The following PCDHA11 variants were observed in gnomAD, a reference collection of about 807,000 sequenced individuals.
PCDHA11 encodes protocadherin alpha-11.
A neutral mutation model predicts 70.3 loss-of-function variants in PCDHA11; 61 were observed. The observed-to-expected ratio is 0.87, with a 90% CI of 0.71 to 1.07. PCDHA11 has a LOEUF of 1.07. Among genes scored for constraint, PCDHA11 ranks in the 50% least tolerant of loss-of-function variants. The pLI is 0.00. For missense variants in PCDHA11, 1,324 were observed against 1,237.5 expected (o/e 1.07, Z -1.05); for synonymous variants, 633 against 555.1 (o/e 1.14, Z -1.97).
chr5:140,923,986 G>A (rs1482099424), intron 1 of PCDHA11, among the ~76,000 whole-genome samples: 2 of 152,074 alleles, frequency 1.3e-5, no homozygotes, highest in African/African-American at 2.4e-5. Flanking sequence ...ATCCCTCTAG[G>A]TGCAGCTCAG....
rs782631991 is a variant in PCDHA11, at chr5:140,966,741, G to C, written c.2392-12208G>C. The C allele has an allele frequency of 7.5e-4, 1,063 of 1,421,208 alleles. 1 individual carries two copies. The highest frequency in any genetic ancestry group is 9.1e-4 in the Non-Finnish European group (995 of 1,093,108). The allele number at this position is 1,421,208 out of a possible 1,614,324, so 88.0% of individuals were successfully genotyped here. Reference sequence around the variant, plus strand: ...GAAGCTGCCGCCTCCGGCCCTGCCCGGCTGCCTCCGCCGCGGCCAGTGGCT... The same window carrying C: ...GAAGCTGCCGCCTCCGGCCCTGCCCCGCTGCCTCCGCCGCGGCCAGTGGCT... On this transcript the variant is annotated intron_variant, in intron 1 of 3. Transcript: ENST00000398640.
At chr5:140,983,865 GC>G (rs2097073239) in intron 3 of PCDHA11, among the ~76,000 whole-genome samples, 1 of 152,120 alleles carries the variant, frequency 6.6e-6, no homozygotes, top group Admixed American at 6.5e-5. Context: ...GCAGCTAAGG[GC>G]CCATTTTTAC....
At chr5:140,884,435 T>C (rs1554181555) in intron 1 of PCDHA11, 1 of 1,613,872 alleles carries the variant, frequency 6.2e-7, no homozygotes, top group East Asian at 2.2e-5. Flanking sequence ...TGCGCTGCGG[T>C]GCTCGGCACC....
intron 1 of PCDHA11, among the ~76,000 whole-genome samples, chr5:140,894,231 G>A (rs1265861426): frequency 1.3e-5 from 2 of 151,980 alleles, no homozygotes; most frequent in South Asian, 2.1e-4. Flanking sequence ...GATGTTGAAT[G>A]ACAATGTAAT....
rs532145972 is a variant in PCDHA11 at position 140,957,602 on chromosome 5, C to T, written c.2392-21347C>T. On this transcript the variant is annotated intron_variant, in intron 1 of 3. Transcript: ENST00000398640. Reference sequence around the variant, plus strand: ...TTAACAAAGCACTTCCCAGAATAAACACACAGACATATACATGCACACACT... The same window carrying T: ...TTAACAAAGCACTTCCCAGAATAAATACACAGACATATACATGCACACACT... 3.3e-5 allele frequency among the ~76,000 whole-genome samples: 5 copies of T among 152,174 alleles called. No homozygotes were observed. In the East Asian group the frequency reaches 9.6e-4, roughly 29 times the overall value.
At chr5:140,967,357 T>C (rs782125763) in intron 1 of PCDHA11, 2 of 1,608,222 alleles carry the variant, frequency 1.2e-6, no homozygotes, top group Non-Finnish European at 1.7e-6. Context: ...AGCTGGACCT[T>C]AAGCCCCTGC....
At position 140,870,626 on chromosome 5, in the gene PCDHA11, C is replaced by T. The variant is rs782773688; in HGVS notation, c.1523C>T (p.Ser508Leu). 61 of 1,612,898 alleles carry T rather than the reference C, an allele frequency of 3.8e-5. No homozygotes were observed. Among genetic ancestry groups the T allele is most frequent in the Non-Finnish European group, 5.0e-5 (59 of 1,179,802 alleles). Reference sequence around the variant, plus strand: ...GACCGCGCGCTGTCGAGCTACGTGTCGGTGCACGCGGAGAGCGGCAAGGTG... The same window carrying T: ...GACCGCGCGCTGTCGAGCTACGTGTTGGTGCACGCGGAGAGCGGCAAGGTG... ...LGDRALSSYV[S>L]VHAESGKVYA... Residue 508 changes from serine (S) to leucine (L), a missense_variant, in exon 1 of 4, where the codon TCG (serine) becomes TTG (leucine). By Grantham distance (145) the Ser-to-Leu change is moderately radical. Transcript: ENST00000398640.
rs149711844 is a variant in PCDHA11 at position 140,884,286 on chromosome 5, G to T, written c.2391+12792G>T. On this transcript the variant is annotated intron_variant, in intron 1 of 3. Coordinates refer to ENST00000398640, the MANE Select transcript of PCDHA11 (RefSeq NM_018902.5). ...GTGCTGTTGTCGCTGGTGGAGAGCG[G>T]CCAAGCGCCACAGGCTTCGTCGAGG... 1.6e-4 allele frequency: 258 copies of T among 1,613,626 alleles called. No individual in the cohort carries two copies. The highest frequency in any genetic ancestry group is 2.1e-4 in the Non-Finnish European group (242 of 1,179,820).
Position 140,892,963 on chromosome 5 carries a change from A to C in PCDHA11, c.2391+21469A>C, listed in dbSNP as rs138089244. Among the ~76,000 whole-genome samples, 29 of 152,284 alleles carry C rather than the reference A, an allele frequency of 1.9e-4. No individual in the cohort carries two copies. In the East Asian group the frequency reaches 5.6e-3, roughly 29 times the overall value. ...ACAATACTACTTCCATGAGCTCAAT[A>C]AAATTTTGTAGCTGCCGTATAAGTG... On this transcript the variant is annotated intron_variant, in intron 1 of 3. Transcript: ENST00000398640.
At chr5:140,937,911 CAAA>C (rs200797202) in intron 1 of PCDHA11, among the ~76,000 whole-genome samples, 2 of 117,898 alleles carry the variant, frequency 1.7e-5, no homozygotes, top group Non-Finnish European at 1.9e-5. Context: ...GACTCCGTCT[CAAA>C]AAAAAAAAAA....
chr5:140,875,506 C>A, intron 1 of PCDHA11: 1 of 1,613,618 alleles, frequency 6.2e-7, no homozygotes, highest in Non-Finnish European at 8.5e-7. Flanking sequence ...CCCGGGATCC[C>A]AGCGTCTGCT....
Position 140,978,839 on chromosome 5 carries a change from C to CT in PCDHA11, c.2392-104dup, listed in dbSNP as rs5871758. On this transcript the variant is annotated intron_variant, in intron 1 of 3. Transcript: ENST00000398640. ...TACACATGAAATGGCTCATTCAATA[C>CT]TTTTTTAGATGCCTGGAAATATTTA... 14,607 of 1,556,970 alleles carry CT rather than the reference C, an allele frequency of 9.4e-3. 629 individuals carry two copies. The African/African-American group carries it at 0.12, about 13-fold the overall frequency.
In PCDHA11 at chr5:140,875,833, G is replaced by T. The variant is rs782436615; in HGVS notation, c.2391+4339G>T. The stretch of plus-strand genomic sequence containing the variant: ...GCCGCTGCAGGTTTTCCATGTGGAC[G>T]TGGAGGTGAAGGACATTAACGACAA... On this transcript the variant is annotated intron_variant, in intron 1 of 3. Coordinates refer to ENST00000398640, the MANE Select transcript of PCDHA11 (RefSeq NM_018902.5). 2.3e-5 allele frequency: 37 copies of T among 1,614,100 alleles called. No homozygotes were observed. The Admixed American group carries it at 6.0e-4, about 26-fold the overall frequency.
chr5:140,882,199 G>A, intron 1 of PCDHA11: 1 of 1,526,968 alleles, frequency 6.5e-7, no homozygotes, highest in Non-Finnish European at 8.8e-7. Context: ...TAAAAATTGG[G>A]CCTTGAGAGA....
intron 1 of PCDHA11, among the ~76,000 whole-genome samples, chr5:140,975,572 C>T (rs1356117545): frequency 6.6e-6 from 1 of 152,202 alleles, no homozygotes; most frequent in African/African-American, 2.4e-5. Context: ...ATATTATATG[C>T]AGTCTCATGT....
In PCDHA11 at chr5:140,882,159, T is replaced by C. The variant is rs1017946710; in HGVS notation, c.2391+10665T>C. 76 of 1,509,284 alleles carry C rather than the reference T, an allele frequency of 5.0e-5. No individual in the cohort carries two copies. The African/African-American group carries it at 8.9e-4, about 18-fold the overall frequency. 93.5% of individuals were successfully genotyped at this position (1,509,284 alleles called of 1,614,324 possible). On this transcript the variant is annotated intron_variant, in intron 1 of 3. Transcript: ENST00000398640. ...AAAATATAGCAGAAAGCGGAATACC[T>C]CTTGCGAATCCTTCCGCACTAGGAA...
chr5:140,884,314 G>A, intron 1 of PCDHA11: 1 of 1,613,760 alleles, frequency 6.2e-7, no homozygotes, highest in Non-Finnish European at 8.5e-7. Context: ...CGTCGAGGGC[G>A]TCGGCAGGCG....
At chr5:140,876,859 T>A in intron 1 of PCDHA11, 1 of 1,614,068 alleles carries the variant, frequency 6.2e-7, no homozygotes, top group Non-Finnish European at 8.5e-7. Flanking sequence ...GTACACAGTG[T>A]TCGTGAAGGA....
intron 3 of PCDHA11, 85 bp from the exon 4 acceptor site, chr5:141,009,542 T>C: frequency 6.5e-7 from 1 of 1,530,742 alleles, no homozygotes; most frequent in Admixed American, 2.1e-5. Context: ...AGCCTGCCTA[T>C]GCAGTACTCC....
Sources: gnomAD v4.1 joint callset for allele counts (sites outside exome capture counted in the v4.1 genomes callset) on GRCh38, gnomAD v4.1.1 for gene constraint, MANE v1.5 for transcripts, NCBI Gene and HGNC (gene_info 2026-07-23, HGNC 2026-07-21) for gene names.